The following RNF144A variants were observed in gnomAD, a reference collection of about 807,000 sequenced individuals.
RNF144A encodes the protein ring finger protein 144A.
A neutral mutation model predicts 38.7 loss-of-function variants in RNF144A; 11 were observed. That is an observed-to-expected ratio of 0.28 (90% CI 0.18 to 0.47). RNF144A has a LOEUF of 0.47. RNF144A is among the 20% of genes least tolerant of loss of function. The pLI, the probability that RNF144A is intolerant of heterozygous loss-of-function variation, is 0.99. For missense variants in RNF144A, 316 were observed against 377.2 expected (o/e 0.84, Z 1.34); for synonymous variants, 149 against 143.9 (o/e 1.04, Z -0.25).
intron 2 of RNF144A, among the ~76,000 whole-genome samples, chr2:6,995,614 G>A (rs180812995): frequency 1.3e-5 from 2 of 152,296 alleles, no homozygotes; most frequent in South Asian, 2.1e-4. Flanking sequence ...TCCGATGTTC[G>A]AGGGCAGAAA....
intron 1 of RNF144A, among the ~76,000 whole-genome samples, chr2:6,926,718 C>T (rs2103273736): frequency 6.6e-6 from 1 of 152,366 alleles, no homozygotes; most frequent in Non-Finnish European, 1.5e-5. Context: ...GAATCTGCGT[C>T]TTTTCCCTTC....
chr2:7,022,388 A>G (rs1340591404), intron 6 of RNF144A, among the ~76,000 whole-genome samples: 2 of 152,230 alleles, frequency 1.3e-5, no homozygotes, highest in African/African-American at 4.8e-5. Context: ...CTCTGCTTTT[A>G]TAATTTGAGT....
At position 7,041,609 on chromosome 2, in the gene RNF144A, G is replaced by A. The variant is rs183780910; in HGVS notation, c.*1849G>A. 132 of 985,828 alleles carry A rather than the reference G, an allele frequency of 1.3e-4. 2 individuals are homozygous for A. In the South Asian group the frequency reaches 1.7e-3, roughly 13 times the overall value. 61.1% of individuals were successfully genotyped at this position (985,828 alleles called of 1,614,324 possible). A position where few individuals can be genotyped will look rare whatever the true frequency, so the allele number is the denominator to read the frequency against. On this transcript the variant is annotated 3_prime_UTR_variant, in exon 9 of 9. Coordinates refer to ENST00000320892, the MANE Select transcript of RNF144A (RefSeq NM_014746.6). ...CTGGAGGTGGGTGGCAACTCCACGCGGGAGTCATTGGCTGGGCTTGAGCCC... is the reference window on the plus strand; with the variant it reads ...CTGGAGGTGGGTGGCAACTCCACGCAGGAGTCATTGGCTGGGCTTGAGCCC...
intron 6 of RNF144A, among the ~76,000 whole-genome samples, chr2:7,055,980 G>A (rs908528775): frequency 6.6e-6 from 1 of 152,132 alleles, no homozygotes; most frequent in Non-Finnish European, 1.5e-5. Context: ...GGGTCCTTAT[G>A]GAGCCTCTGC....
At chr2:6,937,528 T>C (rs1184830762) in intron 1 of RNF144A, among the ~76,000 whole-genome samples, 1 of 152,246 alleles carries the variant, frequency 6.6e-6, no homozygotes, top group Non-Finnish European at 1.5e-5. Context: ...ATAATTCTGT[T>C]TACAGGCTCT....
chr2:7,030,856 T>C (rs976160723), intron 8 of RNF144A, among the ~76,000 whole-genome samples: 1 of 152,026 alleles, frequency 6.6e-6, no homozygotes, highest in African/African-American at 2.4e-5. Flanking sequence ...CTTGTTTTCC[T>C]GCAACTAGAT....
chr2:6,938,227 C>T (rs1288328994), intron 1 of RNF144A, among the ~76,000 whole-genome samples: 1 of 139,138 alleles, frequency 7.2e-6, no homozygotes, highest in Non-Finnish European at 1.6e-5. Context: ...GTTCCCCTCC[C>T]CTCCCCCTCT....
chr2:7,012,474 A>G (rs1200438554), intron 3 of RNF144A, among the ~76,000 whole-genome samples: 1 of 152,192 alleles, frequency 6.6e-6, no homozygotes, highest in African/African-American at 2.4e-5. Context: ...CTTGAGGGAC[A>G]AGGATTGGTT....
intron 2 of RNF144A, among the ~76,000 whole-genome samples, chr2:6,994,873 C>A (rs772736881): frequency 6.6e-6 from 1 of 152,180 alleles, no homozygotes; most frequent in Admixed American, 6.5e-5. Context: ...GTGCAGATCC[C>A]GGGCGGTCTT....
chr2:7,024,156 T>C (rs1445719525), intron 6 of RNF144A, among the ~76,000 whole-genome samples: 1 of 152,234 alleles, frequency 6.6e-6, no homozygotes, highest in Non-Finnish European at 1.5e-5. Flanking sequence ...TAAAAATTTT[T>C]CCTAACTCAA....
chr2:7,066,151 G>A (rs546184316), intron 6 of RNF144A, among the ~76,000 whole-genome samples: 6 of 152,020 alleles, frequency 3.9e-5, no homozygotes, highest in African/African-American at 1.2e-4. Flanking sequence ...TCAGTGGCCG[G>A]ATCTCGGCTC....
intron 3 of RNF144A, among the ~76,000 whole-genome samples, chr2:7,005,353 C>T (rs1351326688): frequency 6.6e-6 from 1 of 152,200 alleles, no homozygotes; most frequent in African/African-American, 2.4e-5. Flanking sequence ...CCAGGCCTCT[C>T]TTCTGGGGTC....
At chr2:6,985,102 C>A (rs1489888824) in intron 2 of RNF144A, among the ~76,000 whole-genome samples, 1 of 152,140 alleles carries the variant, frequency 6.6e-6, no homozygotes, top group Non-Finnish European at 1.5e-5. Flanking sequence ...CTTGGTGGAA[C>A]AGGAAATCTT....
intron 2 of RNF144A, among the ~76,000 whole-genome samples, chr2:6,955,439 AC>A (rs1459691443): frequency 1.3e-5 from 2 of 152,066 alleles, no homozygotes; most frequent in Non-Finnish European, 1.5e-5. Context: ...GGGATCAGAG[AC>A]CCGTGGGGAT....
intron 1 of RNF144A, among the ~76,000 whole-genome samples, chr2:6,929,753 A>G (rs1665089199): frequency 6.6e-6 from 1 of 152,244 alleles, no homozygotes. Flanking sequence ...CCTACTGTTT[A>G]TGTAGAAATC....
rs767126062 is a variant in RNF144A, at chr2:7,042,422, A to C, written c.*2662A>C. On this transcript the variant is annotated 3_prime_UTR_variant, in exon 9 of 9. Coordinates refer to ENST00000320892, the MANE Select transcript of RNF144A (RefSeq NM_014746.6). ...ACTCTTACAGATGGTGTTCACTGCA[A>C]GCCCCAGAAGCATATGGCATGTGTT... 42 of 985,340 alleles carry C rather than the reference A, an allele frequency of 4.3e-5. No homozygotes were observed. Among genetic ancestry groups the C allele is most frequent in the Admixed American group, 6.1e-5 (1 of 16,274 alleles). 61.0% of individuals were successfully genotyped at this position (985,340 alleles called of 1,614,324 possible).
chr2:7,027,320 G>A (rs1404356743), intron 7 of RNF144A, among the ~76,000 whole-genome samples: 1 of 152,210 alleles, frequency 6.6e-6, no homozygotes, highest in African/African-American at 2.4e-5. Context: ...AAAGGGACAT[G>A]TGCAGTTTCT....
intron 3 of RNF144A, among the ~76,000 whole-genome samples, chr2:7,007,325 C>T (rs1670511912): frequency 6.6e-6 from 1 of 152,230 alleles, no homozygotes; most frequent in African/African-American, 2.4e-5. Context: ...TTCAGATCTT[C>T]CCAACAGAGG....
At chr2:7,062,078 C>T (rs1673980481) in intron 6 of RNF144A, among the ~76,000 whole-genome samples, 1 of 152,144 alleles carries the variant, frequency 6.6e-6, no homozygotes, top group South Asian at 2.1e-4. Context: ...CTGTGACCAG[C>T]TCGGGGTGGG....
Sources: allele counts gnomAD v4.1 joint callset (sites outside exome capture counted in the v4.1 genomes callset), GRCh38; gene constraint gnomAD v4.1.1; transcripts MANE v1.5; gene names NCBI Gene and HGNC (gene_info 2026-07-23, HGNC 2026-07-21).